The following DMXL2 variants were observed in gnomAD, a reference collection of about 807,000 sequenced individuals.
The protein encoded by DMXL2 is Dmx like 2.
DMXL2 carries 103 observed loss-of-function variants against 331.1 expected under a neutral mutation model. The ratio of observed to expected loss-of-function variants is 0.31; its 90% CI spans 0.27 to 0.37. The LOEUF (loss-of-function observed/expected upper bound fraction) is 0.37. Among genes scored for constraint, DMXL2 ranks in the 10% least tolerant of loss-of-function variants. DMXL2 has a pLI of 1.00. For missense variants in DMXL2, 3,171 were observed against 3,642.9 expected (o/e 0.87, Z 3.33); for synonymous variants, 1,281 against 1,252.1 (o/e 1.02, Z -0.49).
chr15:51,514,427 A>AT lies in DMXL2; in HGVS notation c.2644+14dup. 9 of 1,422,976 alleles carry AT rather than the reference A, an allele frequency of 6.3e-6. No homozygotes were observed. In the South Asian group the frequency reaches 8.6e-5, roughly 14 times the overall value. The allele number at this position is 1,422,976 out of a possible 1,614,324, so 88.1% of individuals were successfully genotyped here. A position where few individuals can be genotyped will look rare whatever the true frequency, so the allele number is the denominator to read the frequency against. On this transcript the variant is annotated intron_variant, in intron 15 of 43. Coordinates refer to ENST00000560891, the MANE Select transcript of DMXL2 (RefSeq NM_001378457.1). ...GCATGAAGGTAAACAAATGCAGACT[A>AT]TTTTTTTAAAGTACCTTGTGATGGC...
intron 15 of DMXL2, among the ~76,000 whole-genome samples, chr15:51,513,666 C>T (rs980234724): frequency 2.0e-4 from 31 of 152,122 alleles, no homozygotes; most frequent in Non-Finnish European, 4.1e-4. Flanking sequence ...ATATGTCCAT[C>T]TGGATATTCA....
chr15:51,545,669 G>C lies in DMXL2; in HGVS notation c.844C>G (p.Gln282Glu), dbSNP rs1157805929. ...CTGGAAGTGGTAGTCTCACAAATCTGCTCACCCAAAAGACAGTCTTCTGGT... is the reference window on the plus strand; with the variant it reads ...CTGGAAGTGGTAGTCTCACAAATCTCCTCACCCAAAAGACAGTCTTCTGGT... ...LLPEDCLLGEQICETTTSSIA... is the reference protein window; with the variant it reads ...LLPEDCLLGEEICETTTSSIA... The change falls in exon 8 of 44, where the codon CAG becomes GAG. Residue 282 changes from glutamine (Q) to glutamate (E), a missense_variant. Gln to Glu is a conservative substitution (Grantham distance 29). Around this residue, in one of 7 missense-constraint regions of DMXL2, gnomAD observed 1,674 missense variants for 1,780.2 expected, o/e 0.94. Coordinates refer to ENST00000560891, the MANE Select transcript of DMXL2 (RefSeq NM_001378457.1). 4.3e-6 allele frequency: 7 copies of C among 1,613,646 alleles called. No individual in the cohort carries two copies. The highest frequency in any genetic ancestry group is 5.9e-6 in the Non-Finnish European group (7 of 1,179,724).
intron 1 of DMXL2, among the ~76,000 whole-genome samples, chr15:51,600,643 A>C (rs1297870999): frequency 6.6e-6 from 1 of 152,124 alleles, no homozygotes; most frequent in Non-Finnish European, 1.5e-5. Flanking sequence ...TCTGTAGCTC[A>C]CCTGACCAAC....
chr15:51,540,899 A>C (rs1401251544), intron 9 of DMXL2, among the ~76,000 whole-genome samples: 1 of 152,178 alleles, frequency 6.6e-6, no homozygotes, highest in African/African-American at 2.4e-5. Context: ...TTAGGCTCAA[A>C]TGATGTGACA....
At chr15:51,512,285 A>T (rs1413069544) in intron 15 of DMXL2, among the ~76,000 whole-genome samples, 1 of 152,232 alleles carries the variant, frequency 6.6e-6, no homozygotes, top group African/African-American at 2.4e-5. Flanking sequence ...ATACTCTTTA[A>T]ATAGACAATG....
Position 51,474,335 on chromosome 15 carries a change from G to A in DMXL2, c.7213+9C>T, listed in dbSNP as rs371892463. The A allele has an allele frequency of 7.5e-6, 12 of 1,598,928 alleles. No homozygotes were observed. The highest frequency in any genetic ancestry group is 1.7e-4 in the Middle Eastern group (1 of 6,000). ...TTTACATACATTACTGGTATCAAAC[G>A]TATCTTACCTGAAATATTTTCTGAT... On this transcript the variant is annotated intron_variant, in intron 28 of 43. Transcript: ENST00000560891.
At chr15:51,520,949 C>T (rs778445172) in intron 13 of DMXL2, among the ~76,000 whole-genome samples, 2 of 152,138 alleles carry the variant, frequency 1.3e-5, no homozygotes, top group South Asian at 2.1e-4. Context: ...TTTTCTTAAA[C>T]CATTTCCTCC....
chr15:51,467,159 A>G (rs147651457), intron 29 of DMXL2, among the ~76,000 whole-genome samples: 140 of 152,138 alleles, frequency 9.2e-4, no homozygotes, highest in African/African-American at 3.2e-3. Flanking sequence ...AAAGTTAAGG[A>G]GGAGGAGAAA....
intron 16 of DMXL2, among the ~76,000 whole-genome samples, chr15:51,506,911 AT>A (rs989792060): frequency 6.6e-6 from 1 of 151,954 alleles, no homozygotes; most frequent in Non-Finnish European, 1.5e-5. Flanking sequence ...CAAAGCTTTT[AT>A]TTTTTTTCAA....
intron 6 of DMXL2, among the ~76,000 whole-genome samples, chr15:51,556,883 GTTTC>G (rs1476045201): frequency 2.6e-5 from 4 of 152,068 alleles, no homozygotes; most frequent in South Asian, 2.1e-4. Context: ...TAGAAGGAAA[GTTTC>G]TTTATCTGAA....
intron 7 of DMXL2, among the ~76,000 whole-genome samples, chr15:51,546,008 T>C (rs1010690232): frequency 1.3e-5 from 2 of 152,172 alleles, no homozygotes; most frequent in Non-Finnish European, 2.9e-5. Context: ...AGAGGATTAT[T>C]AGTATCTCCT....
At chr15:51,543,771 T>C (rs1271191659) in intron 8 of DMXL2, among the ~76,000 whole-genome samples, 1 of 152,112 alleles carries the variant, frequency 6.6e-6, no homozygotes. Flanking sequence ...ATAATATTAA[T>C]AAAAGACAGT....
chr15:51,502,026 C>T (rs938205452), intron 17 of DMXL2, among the ~76,000 whole-genome samples: 7 of 150,644 alleles, frequency 4.6e-5, no homozygotes, highest in African/African-American at 1.2e-4. Flanking sequence ...GTCAGGAGAT[C>T]GAGACCATCC....
Position 51,447,972 on chromosome 15 carries a change from G to A in DMXL2, c.*1012C>T, listed in dbSNP as rs529144414. On this transcript the variant is annotated 3_prime_UTR_variant, in exon 44 of 44. Coordinates refer to ENST00000560891, the MANE Select transcript of DMXL2 (RefSeq NM_001378457.1). ...TTTAAACACACAGACATTAGTTTCA[G>A]TATCTCAACATATTTTTGGTCATAA... The A allele has an allele frequency of 3.3e-5, 5 of 152,662 alleles. No individual in the cohort carries two copies. The East Asian group carries it at 9.6e-4, about 29-fold the overall frequency. 9.5% of individuals were successfully genotyped at this position (152,662 alleles called of 1,614,324 possible). A position where few individuals can be genotyped will look rare whatever the true frequency, so the allele number is the denominator to read the frequency against.
chr15:51,555,458 C>T (rs1260881935), intron 6 of DMXL2, among the ~76,000 whole-genome samples: 1 of 152,024 alleles, frequency 6.6e-6, no homozygotes, highest in Non-Finnish European at 1.5e-5. Flanking sequence ...ATTTAAATGG[C>T]ATCAGAAATC....
chr15:51,478,160 G>A lies in DMXL2; in HGVS notation c.6833+111C>T. The A allele has an allele frequency of 4.2e-6, 3 of 710,636 alleles. No homozygotes were observed. In the South Asian group the frequency reaches 6.9e-5, roughly 16 times the overall value. The allele number at this position is 710,636 out of a possible 1,614,324, so 44.0% of individuals were successfully genotyped here. A position where few individuals can be genotyped will look rare whatever the true frequency, so the allele number is the denominator to read the frequency against. ...CTCTCGCATGTATTAAAATATCATGGCTGTCATATTTAGGGATTTTTCAGT... is the reference window on the plus strand; with the variant it reads ...CTCTCGCATGTATTAAAATATCATGACTGTCATATTTAGGGATTTTTCAGT... On this transcript the variant is annotated intron_variant, in intron 26 of 43. Coordinates refer to ENST00000560891, the MANE Select transcript of DMXL2 (RefSeq NM_001378457.1).
rs1160241264 is a variant in DMXL2 at position 51,465,591 on chromosome 15, A to G, written c.7581T>C (p.Phe2527=). ...KLALHNVKNF[F]PIAGLEFSEL... is the part of the protein sequence containing the mutation. Reference sequence around the variant, plus strand: ...CAGAGAATTCCAGTCCAGCAATAGGAAAGAAATTCTTGACATTGTGAAGTG... The same window carrying G: ...CAGAGAATTCCAGTCCAGCAATAGGGAAGAAATTCTTGACATTGTGAAGTG... The change falls in exon 31 of 44, where the codon TTT becomes TTC. Residue 2527 remains phenylalanine, a synonymous_variant. Transcript: ENST00000560891. 6.2e-7 allele frequency: 1 copy of G among 1,607,914 alleles called. No individual in the cohort carries two copies. Among genetic ancestry groups the G allele is most frequent in the Non-Finnish European group, 8.5e-7 (1 of 1,177,656 alleles).
intron 17 of DMXL2, among the ~76,000 whole-genome samples, chr15:51,501,884 C>T (rs560929730): frequency 6.9e-6 from 1 of 145,740 alleles, no homozygotes; most frequent in Admixed American, 7.0e-5. Context: ...AGCACCACTG[C>T]ACTCCAGCCT....
chr15:51,534,409 T>C (rs1200627941), intron 13 of DMXL2, among the ~76,000 whole-genome samples: 1 of 152,192 alleles, frequency 6.6e-6, no homozygotes, highest in African/African-American at 2.4e-5. Context: ...AATATTAGAT[T>C]TATTCTAAGT....
Sources: gnomAD v4.1 joint callset for allele counts (sites outside exome capture counted in the v4.1 genomes callset) on GRCh38, gnomAD v4.1.1 for gene constraint, gnomAD v4.1.1 regional missense constraint, MANE v1.5 for transcripts, NCBI Gene and HGNC (gene_info 2026-07-23, HGNC 2026-07-21) for gene names.